ZFYVE26: variants seen among roughly 807,000 people sequenced by gnomAD.
ZFYVE26 encodes the protein zinc finger FYVE domain-containing protein 26.
ZFYVE26 carries 181 observed loss-of-function variants against 276.5 expected under a neutral mutation model. The ratio of observed to expected loss-of-function variants is 0.65; its 90% CI spans 0.58 to 0.74. The LOEUF (loss-of-function observed/expected upper bound fraction) is 0.74, where lower values mean the gene tolerates loss of function less well. Among genes scored for constraint, ZFYVE26 ranks in the 30% least tolerant of loss-of-function variants. The pLI, the probability that ZFYVE26 is intolerant of heterozygous loss-of-function variation, is 0.00. For missense variants in ZFYVE26, 2,821 were observed against 3,097.9 expected (o/e 0.91, Z 2.12); for synonymous variants, 1,129 against 1,203.1 (o/e 0.94, Z 1.27).
chr14:67,735,273 T>A lies in ZFYVE26; in HGVS notation n.2680-5454A>T, dbSNP rs372685178. On this transcript the variant is annotated intron_variant and non_coding_transcript_variant, in intron 13 of 14. Transcript: ENST00000394455. ...CTCCCTCAGCACTACTCCTTCAGAA[T>A]CGCCTCGTGCTCAGGCTACATCTCA... The A allele has an allele frequency of 5.2e-5, 52 of 999,678 alleles. No individual in the cohort carries two copies. The East Asian group carries it at 6.9e-4, about 13-fold the overall frequency. The allele number at this position is 999,678 out of a possible 1,614,324, so 61.9% of individuals were successfully genotyped here.
Position 67,747,717 on chromosome 14 carries a change from T to A in ZFYVE26, c.*719A>T, listed in dbSNP as rs534423169. On this transcript the variant is annotated 3_prime_UTR_variant, in exon 42 of 42. Coordinates refer to ENST00000347230, the MANE Select transcript of ZFYVE26 (RefSeq NM_015346.4). Reference sequence around the variant, plus strand: ...AGCCTTTCTTTCCCTCTTGCCCGTGTTAGCCTCACAGACCTGATCATTTAT... The same window carrying A: ...AGCCTTTCTTTCCCTCTTGCCCGTGATAGCCTCACAGACCTGATCATTTAT... 2 of 146,824 alleles carry A rather than the reference T, an allele frequency of 1.4e-5. No homozygotes were observed. Among genetic ancestry groups the A allele is most frequent in the East Asian group, 4.4e-4 (2 of 4,562 alleles). 9.1% of individuals were successfully genotyped at this position (146,824 alleles called of 1,614,324 possible).
At chr14:67,769,280 G>A (rs2039140692) in intron 29 of ZFYVE26, among the ~76,000 whole-genome samples, 1 of 152,156 alleles carries the variant, frequency 6.6e-6, no homozygotes, top group Non-Finnish European at 1.5e-5. Context: ...AAGAGAGGCT[G>A]GAAAATAGGT....
In ZFYVE26 at chr14:67,751,233, T is replaced by A. The variant is rs764751627; in HGVS notation, c.7372-137A>T. ...CCTGACTTTTTTTTTCTCAAAGACA[T>A]GGGGTCTCACTATGTTGCCCATGCT... On this transcript the variant is annotated intron_variant, in intron 40 of 41. Transcript: ENST00000347230. 162 of 903,740 alleles carry A rather than the reference T, an allele frequency of 1.8e-4. 1 individual carries two copies. Among genetic ancestry groups the A allele is most frequent in the Admixed American group, 7.9e-5 (4 of 50,894 alleles). The allele number at this position is 903,740 out of a possible 1,614,324, so 56.0% of individuals were successfully genotyped here.
intron 35 of ZFYVE26, chr14:67,756,480 T>C: frequency 2.8e-6 from 1 of 359,896 alleles, no homozygotes; most frequent in Non-Finnish European, 5.2e-6. Context: ...ACCACTAAAC[T>C]GTAAATCTAA....
At chr14:67,806,814 A>G in intron 5 of ZFYVE26, 139 bp from the exon 6 acceptor site, 2 of 953,382 alleles carry the variant, frequency 2.1e-6, no homozygotes, top group East Asian at 2.6e-5. Flanking sequence ...ATCTTAGGGT[A>G]TCTTAAAGAA....
intron 16 of ZFYVE26, among the ~76,000 whole-genome samples, chr14:67,786,930 GC>G (rs2039674954): frequency 2.6e-5 from 4 of 152,162 alleles, no homozygotes; most frequent in African/African-American, 9.7e-5. Context: ...AGTGAAATAA[GC>G]CAGGCACAGA....
rs780029712 is a variant in ZFYVE26 at position 67,783,477 on chromosome 14, C to T, written c.3675G>A (p.Gln1225=). ...AQENLSLSVP[Q]VIVSCCCEPL... ...GCTCACAGCAGCAGCTGACGATGAC[C>T]TGTGGCACACTTAGGCTGAGATTCT... Residue 1225 remains glutamine (Q), a synonymous_variant, in exon 21 of 42, where the codon CAG becomes CAA. Coordinates refer to ENST00000347230, the MANE Select transcript of ZFYVE26 (RefSeq NM_015346.4). The T allele has an allele frequency of 6.2e-7, 1 of 1,613,870 alleles. No homozygotes were observed. The highest frequency in any genetic ancestry group is 8.5e-7 in the Non-Finnish European group (1 of 1,180,036).
chr14:67,783,176 T>C lies in ZFYVE26; in HGVS notation c.3976A>G (p.Arg1326Gly). ...AAGCTGGGTTTGCTGACCTTTAACC[T>C]CGGGGAAGCCCCCAGGCAGGCCACC... ...ATVACLGASP[R>G]LKVSKPSLSW... Residue 1326 changes from arginine (R) to glycine (G), a missense_variant, in exon 21 of 42, where the codon AGG becomes GGG. By Grantham distance (125) the Arg-to-Gly change is moderately radical. Transcript: ENST00000347230. 6.2e-7 allele frequency: 1 copy of C among 1,609,518 alleles called. No homozygotes were observed. Among genetic ancestry groups the C allele is most frequent in the Non-Finnish European group, 8.5e-7 (1 of 1,177,040 alleles).
intron 13 of ZFYVE26, chr14:67,733,838 G>A (rs762599857): frequency 9.9e-6 from 16 of 1,611,116 alleles, no homozygotes; most frequent in African/African-American, 2.7e-5. Flanking sequence ...CTAGGAATCC[G>A]GTGGGAGTAG....
intron 9 of ZFYVE26, among the ~76,000 whole-genome samples, chr14:67,803,571 G>C (rs1376763558): frequency 6.6e-6 from 1 of 152,114 alleles, no homozygotes; most frequent in African/African-American, 2.4e-5. Context: ...TTGAACTCCT[G>C]ACCTCAAGCA....
Position 67,805,261 on chromosome 14 carries a change from C to T in ZFYVE26, c.1227G>A (p.Leu409=), listed in dbSNP as rs1237173012. 2 of 1,614,166 alleles carry T rather than the reference C, an allele frequency of 1.2e-6. No individual in the cohort carries two copies. Among genetic ancestry groups the T allele is most frequent in the South Asian group, 1.1e-5 (1 of 91,058 alleles). ...ACTCCAGGACCTCCAGGTGAGCCCA[C>T]AACCCATCACAGGCATCCCTGAGGA... ...DELLRDACDG[L]WAHLEVLEWC... The change falls in exon 8 of 42, where the codon TTG becomes TTA. Residue 409 remains leucine (L), a synonymous_variant. Transcript: ENST00000347230.
intron 31 of ZFYVE26, among the ~76,000 whole-genome samples, chr14:67,766,680 G>A (rs965190469): frequency 6.6e-6 from 1 of 152,260 alleles, no homozygotes. Flanking sequence ...GGGAAGAAGG[G>A]CACTGTGTCC....
intron 35 of ZFYVE26, 71 bp downstream of exon 35, chr14:67,761,295 C>T (rs767181813): frequency 1.4e-6 from 2 of 1,427,826 alleles, no homozygotes; most frequent in Admixed American, 1.9e-5. Context: ...TATTGTCCCG[C>T]TTAAGGCTGA....
intron 35 of ZFYVE26, chr14:67,756,449 C>T (rs927111274): frequency 2.2e-6 from 1 of 445,006 alleles, no homozygotes; most frequent in Non-Finnish European, 4.1e-6. Context: ...CCCATTGAAA[C>T]TGCCCCTTAG....
intron 10 of ZFYVE26, 124 bp downstream of exon 10, chr14:67,801,955 T>C: frequency 9.4e-7 from 1 of 1,059,100 alleles, no homozygotes; most frequent in Non-Finnish European, 1.5e-6. Flanking sequence ...AAACTATCCC[T>C]GGGTGAAATA....
intron 13 of ZFYVE26, 126 bp from the exon 14 acceptor site, chr14:67,793,885 T>C: frequency 7.5e-7 from 1 of 1,326,462 alleles, no homozygotes; most frequent in Non-Finnish European, 1.1e-6. Context: ...TGTAAATAGG[T>C]CTTAATTTTT....
intron 12 of ZFYVE26, 107 bp from the exon 13 acceptor site, chr14:67,794,346 T>C: frequency 9.1e-7 from 1 of 1,103,864 alleles, no homozygotes; most frequent in South Asian, 1.2e-5. Flanking sequence ...AGACAGAGGA[T>C]AATGAATAAC....
chr14:67,792,426 C>T (rs968588477), intron 14 of ZFYVE26, among the ~76,000 whole-genome samples: 1 of 152,132 alleles, frequency 6.6e-6, no homozygotes, highest in Non-Finnish European at 1.5e-5. Context: ...ACGGCTAGAA[C>T]ATAATCCTCT....
At chr14:67,788,708 A>G (rs373758692) in intron 16 of ZFYVE26, among the ~76,000 whole-genome samples, 1 of 152,214 alleles carries the variant, frequency 6.6e-6, no homozygotes, top group African/African-American at 2.4e-5. Flanking sequence ...TGGGGACCCC[A>G]GACACATGGG....
Sources: gnomAD v4.1 joint callset for allele counts (sites outside exome capture counted in the v4.1 genomes callset) on GRCh38, gnomAD v4.1.1 for gene constraint, MANE v1.5 for transcripts, NCBI Gene and HGNC (gene_info 2026-07-23, HGNC 2026-07-21) for gene names.